The following RBPMS variants were observed in gnomAD, a reference collection of about 807,000 sequenced individuals.
RBPMS encodes the protein RNA-binding protein with multiple splicing.
Under a neutral mutation model 26.8 loss-of-function variants are expected in RBPMS, and 7 were observed. That is an observed-to-expected ratio of 0.26 (90% CI 0.15 to 0.49). The LOEUF is 0.49. Among genes scored for constraint, RBPMS ranks in the 20% least tolerant of loss-of-function variants. RBPMS has a pLI of 0.98. For missense variants in RBPMS, 186 were observed against 250.0 expected, an observed-to-expected ratio of 0.74 and a Z score of 1.73; for synonymous variants, 96 against 93.3, an observed-to-expected ratio of 1.03 and a Z score of -0.17.
intron 1 of RBPMS, among the ~76,000 whole-genome samples, chr8:30,410,464 TC>T (rs1809233414): frequency 6.6e-6 from 1 of 152,062 alleles, no homozygotes; most frequent in Admixed American, 6.6e-5. Context: ...CCCCTCGGCC[TC>T]CCAAAGTGCC....
chr8:30,388,815 T>C (rs1232833887), intron 1 of RBPMS, among the ~76,000 whole-genome samples: 1 of 152,148 alleles, frequency 6.6e-6, no homozygotes, highest in African/African-American at 2.4e-5. Flanking sequence ...GCACTGGTGT[T>C]AATTTCTCCT....
At chr8:30,410,189 C>T (rs1042700731) in intron 1 of RBPMS, among the ~76,000 whole-genome samples, 2 of 144,968 alleles carry the variant, frequency 1.4e-5, no homozygotes, top group East Asian at 2.0e-4. Flanking sequence ...CACACACACA[C>T]ACTTAACTGC....
At chr8:30,408,355 T>A (rs915041170) in intron 1 of RBPMS, among the ~76,000 whole-genome samples, 1 of 152,068 alleles carries the variant, frequency 6.6e-6, no homozygotes, top group African/African-American at 2.4e-5. Context: ...GTGGCGAAAC[T>A]CTGTCTCTAC....
chr8:30,529,133 C>T (rs910084476), intron 5 of RBPMS, among the ~76,000 whole-genome samples: 1 of 151,854 alleles, frequency 6.6e-6, no homozygotes, highest in Admixed American at 6.6e-5. Flanking sequence ...GCGGGAAAAT[C>T]GCTGGAACCC....
At chr8:30,409,757 C>T (rs575671116) in intron 1 of RBPMS, among the ~76,000 whole-genome samples, 176 of 152,232 alleles carry the variant, frequency 1.2e-3, no homozygotes, top group African/African-American at 4.0e-3. Flanking sequence ...CTCAGCCTCT[C>T]GAGTAGCTGG....
intron 1 of RBPMS, among the ~76,000 whole-genome samples, chr8:30,417,558 T>A (rs1208415923): frequency 6.6e-6 from 1 of 152,204 alleles, no homozygotes; most frequent in Non-Finnish European, 1.5e-5. Flanking sequence ...TGGAAGTACA[T>A]CCAGTAAACA....
chr8:30,511,483 AAAAATATATATATAT>A (rs1409482868), intron 5 of RBPMS, among the ~76,000 whole-genome samples: 133 of 4,608 alleles, frequency 0.029, 2 homozygotes, highest in African/African-American at 0.045. Context: ...AAAAAAAAAA[AAAAATATATATATAT>A]ATATATATAT....
intron 7 of RBPMS, among the ~76,000 whole-genome samples, chr8:30,562,648 G>A (rs1827595479): frequency 6.6e-6 from 1 of 152,198 alleles, no homozygotes; most frequent in Admixed American, 6.5e-5. Flanking sequence ...TGGTGCTGAT[G>A]AGCTAATATA....
At chr8:30,558,697 T>C in intron 6 of RBPMS, 190 bp from the exon 7 acceptor site, 3 of 654,730 alleles carry the variant, frequency 4.6e-6, no homozygotes, top group Non-Finnish European at 8.4e-6. Context: ...GTGTTCATAA[T>C]GGTGTGTGGA....
chr8:30,467,138 T>C (rs1816593931), intron 1 of RBPMS, among the ~76,000 whole-genome samples: 1 of 152,204 alleles, frequency 6.6e-6, no homozygotes, highest in Non-Finnish European at 1.5e-5. Flanking sequence ...ATTAAATGCT[T>C]GACAGGCCAT....
At chr8:30,551,601 C>G (rs899873813) in intron 6 of RBPMS, among the ~76,000 whole-genome samples, 11 of 152,148 alleles carry the variant, frequency 7.2e-5, no homozygotes, top group African/African-American at 2.7e-4. Context: ...CGCGCCTTCT[C>G]CCCTGTCCTT....
At chr8:30,466,008 G>A (rs779723685) in intron 1 of RBPMS, among the ~76,000 whole-genome samples, 5 of 152,098 alleles carry the variant, frequency 3.3e-5, no homozygotes, top group Non-Finnish European at 5.9e-5. Context: ...TTCCACCTGT[G>A]CTCCCATTAG....
At chr8:30,451,174 A>G (rs1336462415) in intron 1 of RBPMS, among the ~76,000 whole-genome samples, 1 of 152,146 alleles carries the variant, frequency 6.6e-6, no homozygotes, top group Non-Finnish European at 1.5e-5. Flanking sequence ...GGACTACAAC[A>G]CATTTCACTG....
At chr8:30,564,056 G>A (rs772251931) in intron 7 of RBPMS, 3 of 152,136 alleles carry the variant, frequency 2.0e-5, no homozygotes, top group Non-Finnish European at 4.4e-5. Context: ...TAGTATTCAG[G>A]GAATAAATAA....
intron 5 of RBPMS, among the ~76,000 whole-genome samples, chr8:30,512,390 T>A (rs1364443118): frequency 6.6e-6 from 1 of 152,212 alleles, no homozygotes; most frequent in Non-Finnish European, 1.5e-5. Context: ...GCCATACTAT[T>A]CTTAACATGA....
At position 30,499,046 on chromosome 8, in the gene RBPMS, T is replaced by C. The variant is rs182205216; in HGVS notation, c.247-5240T>C. ...TAAAGCATAGAGCTAAATATAAGTC[T>C]GTAAGTCATTACTGATGTAAATAAT... is the stretch of plus-strand genomic sequence containing the variant. On this transcript the variant is annotated intron_variant, in intron 4 of 8. Transcript: ENST00000397323. Among the ~76,000 whole-genome samples the C allele has an allele frequency of 2.0e-5, 3 of 152,300 alleles. No individual in the cohort carries two copies. In the East Asian group the frequency reaches 5.8e-4, roughly 29 times the overall value.
At chr8:30,386,621 T>G (rs1807123879) in intron 1 of RBPMS, among the ~76,000 whole-genome samples, 1 of 152,264 alleles carries the variant, frequency 6.6e-6, no homozygotes, top group East Asian at 1.9e-4. Flanking sequence ...CTGATTTTTT[T>G]TCTTGAACTT....
intron 4 of RBPMS, among the ~76,000 whole-genome samples, chr8:30,497,164 T>A (rs1033693446): frequency 5.3e-5 from 8 of 152,204 alleles, no homozygotes; most frequent in African/African-American, 1.7e-4. Flanking sequence ...GCAAAAAAAA[T>A]TCTTTCTGCT....
At chr8:30,483,352 G>A (rs892396283) in intron 4 of RBPMS, among the ~76,000 whole-genome samples, 13 of 152,126 alleles carry the variant, frequency 8.5e-5, no homozygotes, top group African/African-American at 1.9e-4. Context: ...TATGTTACAC[G>A]AGAACTAGAG....
Sources: gnomAD v4.1 joint callset for allele counts (sites outside exome capture counted in the v4.1 genomes callset) on GRCh38, gnomAD v4.1.1 for gene constraint, MANE v1.5 for transcripts, NCBI Gene and HGNC (gene_info 2026-07-23, HGNC 2026-07-21) for gene names.